ASIC2: variants seen among roughly 807,000 people sequenced by gnomAD.
The protein encoded by ASIC2 is acid-sensing ion channel 2.
ASIC2 carries 25 observed loss-of-function variants against 57.3 expected under a neutral mutation model. The ratio of observed to expected loss-of-function variants is 0.44; its 90% CI spans 0.32 to 0.61. The LOEUF (loss-of-function observed/expected upper bound fraction) is 0.61. Among genes scored for constraint, ASIC2 ranks in the 20% least tolerant of loss-of-function variants. ASIC2 has a pLI of 0.06. For synonymous variants in ASIC2, 319 were observed against 307.5 expected, an observed-to-expected ratio of 1.04 and a Z score of -0.39; for missense variants, 641 against 738.1, an observed-to-expected ratio of 0.87 and a Z score of 1.52.
chr17:33,407,455 C>T (rs866383638), intron 1 of ASIC2, among the ~76,000 whole-genome samples: 1 of 152,154 alleles, frequency 6.6e-6, no homozygotes, highest in Non-Finnish European at 1.5e-5. Context: ...CTTTAAGACT[C>T]CCTTCAAGTG....
At chr17:34,078,583 C>A (rs1419254911) in intron 1 of ASIC2, among the ~76,000 whole-genome samples, 1 of 152,102 alleles carries the variant, frequency 6.6e-6, no homozygotes, top group Non-Finnish European at 1.5e-5. Context: ...GGGAGACAAT[C>A]TAGAAGCAGC....
chr17:33,898,559 C>T (rs1442415552), intron 1 of ASIC2, among the ~76,000 whole-genome samples: 1 of 152,114 alleles, frequency 6.6e-6, no homozygotes, highest in Non-Finnish European at 1.5e-5. Flanking sequence ...TACCTAGCTT[C>T]CCGTAGTACA....
At chr17:33,725,982 G>T (rs1909547389) in intron 1 of ASIC2, among the ~76,000 whole-genome samples, 1 of 152,226 alleles carries the variant, frequency 6.6e-6, no homozygotes, top group East Asian at 1.9e-4. Context: ...GACCACCTGT[G>T]TGATGCCAGG....
rs2091791667 is a variant in ASIC2 at position 33,013,845 on chromosome 17, C to T, written c.*120G>A. 4 of 869,362 alleles carry T rather than the reference C, an allele frequency of 4.6e-6. No homozygotes were observed. Among genetic ancestry groups the T allele is most frequent in the Admixed American group, 4.2e-5 (2 of 47,870 alleles). 53.9% of individuals were successfully genotyped at this position (869,362 alleles called of 1,614,324 possible). A position where few individuals can be genotyped will look rare whatever the true frequency, so the allele number is the denominator to read the frequency against. ...CTAGGCAGCTAGTCTGCAATGTGTG[C>T]ATAGGGGGCTCTTGCTTCTTTCCAG... On this transcript the variant is annotated 3_prime_UTR_variant, in exon 10 of 10. Transcript: ENST00000225823.
chr17:33,100,903 C>T (rs1021915702), intron 2 of ASIC2, among the ~76,000 whole-genome samples: 3 of 152,244 alleles, frequency 2.0e-5, no homozygotes, highest in African/African-American at 7.2e-5. Flanking sequence ...TTAGCATGTG[C>T]ATTACGCACA....
chr17:33,193,874 G>C (rs935740800), intron 1 of ASIC2, among the ~76,000 whole-genome samples: 3 of 152,134 alleles, frequency 2.0e-5, no homozygotes, highest in African/African-American at 7.2e-5. Context: ...TAGCTTACTT[G>C]GTTGCCTTCC....
chr17:33,852,955 A>T lies in ASIC2; in HGVS notation c.555+303023T>A, dbSNP rs956434548. Among the ~76,000 whole-genome samples, 120 of 152,236 alleles carry T rather than the reference A, an allele frequency of 7.9e-4. 1 individual carries two copies. Among genetic ancestry groups the T allele is most frequent in the Non-Finnish European group, 4.4e-5 (3 of 68,006 alleles). On this transcript the variant is annotated intron_variant, in intron 1 of 9. Coordinates refer to the ASIC2 transcript ENST00000359872. ...CCTGAGAACTCCCCACCCTATTGTCATCCCTGATAGAGGAGTTCACCCTAA... is the reference window on the plus strand; with the variant it reads ...CCTGAGAACTCCCCACCCTATTGTCTTCCCTGATAGAGGAGTTCACCCTAA...
At chr17:34,074,134 C>G (rs755052930) in intron 1 of ASIC2, among the ~76,000 whole-genome samples, 4 of 152,154 alleles carry the variant, frequency 2.6e-5, no homozygotes, top group Non-Finnish European at 5.9e-5. Flanking sequence ...AAGCCCCAAC[C>G]CAGACCTACT....
chr17:34,073,743 T>C (rs1014150175), intron 1 of ASIC2, among the ~76,000 whole-genome samples: 10 of 152,206 alleles, frequency 6.6e-5, no homozygotes, highest in African/African-American at 2.4e-4. Flanking sequence ...CTTGTCTATC[T>C]AGAGGTCAAA....
chr17:33,505,930 C>T (rs1190049015), intron 1 of ASIC2, among the ~76,000 whole-genome samples: 2 of 152,192 alleles, frequency 1.3e-5, no homozygotes, highest in African/African-American at 4.8e-5. Flanking sequence ...ACCTCCCTTA[C>T]TGGACTTCAA....
chr17:33,588,204 A>T (rs1904703607), intron 1 of ASIC2, among the ~76,000 whole-genome samples: 3 of 152,238 alleles, frequency 2.0e-5, no homozygotes, highest in South Asian at 2.1e-4. Context: ...GTATGACATC[A>T]CATATCATCT....
intron 1 of ASIC2, among the ~76,000 whole-genome samples, chr17:33,877,537 A>C (rs1480772563): frequency 6.6e-6 from 1 of 152,156 alleles, no homozygotes; most frequent in East Asian, 1.9e-4. Context: ...CAGCAGTCTG[A>C]GATCAAACTG....
intron 1 of ASIC2, among the ~76,000 whole-genome samples, chr17:33,428,244 C>T (rs868415054): frequency 6.6e-6 from 1 of 152,216 alleles, no homozygotes. Context: ...TCCTGGGGAG[C>T]TTTAAAAAAT....
Position 33,015,983 on chromosome 17 carries a change from G to A in ASIC2, c.1578C>T (p.His526=), listed in dbSNP as rs200924687. ...GAGCTGCTCTTACCACATTCTCATC[G>A]TGGCTCCCTTCGTCCTCCTCTTTGC... The part of the protein sequence containing the change: ...LLGKEEDEGS[H]DENVSTCDTM... The change falls in exon 9 of 10, where the codon CAC becomes CAT. Residue 526 remains histidine, a synonymous_variant. Coordinates refer to ENST00000225823, the MANE Select transcript of ASIC2 (RefSeq NM_183377.2). 8.7e-6 allele frequency: 14 copies of A among 1,613,944 alleles called. No individual in the cohort carries two copies. Among genetic ancestry groups the A allele is most frequent in the African/African-American group, 5.3e-5 (4 of 74,924 alleles).
At chr17:33,844,881 A>T (rs1913536484) in intron 1 of ASIC2, among the ~76,000 whole-genome samples, 1 of 152,168 alleles carries the variant, frequency 6.6e-6, no homozygotes, top group Non-Finnish European at 1.5e-5. Flanking sequence ...CAATCCTGGG[A>T]TTTCCATTTT....
intron 1 of ASIC2, among the ~76,000 whole-genome samples, chr17:33,486,774 G>A (rs1438106237): frequency 1.3e-5 from 2 of 152,232 alleles, no homozygotes; most frequent in South Asian, 2.1e-4. Flanking sequence ...ATGGGGGAAT[G>A]TGCTACTGCT....
chr17:33,104,902 A>G (rs1006234371), intron 2 of ASIC2, among the ~76,000 whole-genome samples: 4 of 152,192 alleles, frequency 2.6e-5, no homozygotes, highest in Non-Finnish European at 5.9e-5. Flanking sequence ...TCCTCATCCT[A>G]CAATGAGGAT....
At chr17:33,231,215 G>A (rs1357242786) in intron 1 of ASIC2, among the ~76,000 whole-genome samples, 2 of 152,202 alleles carry the variant, frequency 1.3e-5, no homozygotes, top group East Asian at 3.9e-4. Flanking sequence ...ATCAGGGTCA[G>A]GACATGGCAT....
intron 1 of ASIC2, among the ~76,000 whole-genome samples, chr17:33,824,490 G>A (rs923397342): frequency 1.3e-5 from 2 of 152,028 alleles, no homozygotes; most frequent in Non-Finnish European, 2.9e-5. Context: ...GCAGTTATAA[G>A]TATGAGCTGA....
Sources: allele counts gnomAD v4.1 joint callset (sites outside exome capture counted in the v4.1 genomes callset), GRCh38; gene constraint gnomAD v4.1.1; transcripts MANE v1.5; gene names NCBI Gene and HGNC (gene_info 2026-07-23, HGNC 2026-07-21).